The following DCTN2 variants were observed in gnomAD, a reference collection of about 807,000 sequenced individuals.
The protein encoded by DCTN2 is 50 kDa dynein-associated polypeptide.
In DCTN2, 18 loss-of-function variants were observed where a neutral mutation model predicts 55.4. That is an observed-to-expected ratio of 0.32 (90% CI 0.22 to 0.48). DCTN2 has a LOEUF of 0.48. DCTN2 is among the 20% of genes least tolerant of loss of function. The pLI is 0.99. For synonymous variants in DCTN2, 168 were observed against 185.2 expected (o/e 0.91, Z 0.76); for missense variants, 390 against 491.0 (o/e 0.79, Z 1.94).
chr12:57,531,205 T>C (rs1051271866), intron 13 of DCTN2, among the ~76,000 whole-genome samples: 1 of 152,212 alleles, frequency 6.6e-6, no homozygotes, highest in African/African-American at 2.4e-5. Flanking sequence ...CTTCCAGCAC[T>C]GAGAACAGTG....
At chr12:57,535,007 T>C in intron 5 of DCTN2, 49 bp downstream of exon 5, 1 of 1,478,140 alleles carries the variant, frequency 6.8e-7, no homozygotes, top group Non-Finnish European at 9.4e-7. Context: ...GAGGTCTTCC[T>C]CTACTGTGTA....
intron 2 of DCTN2, among the ~76,000 whole-genome samples, chr12:57,538,790 A>G (rs923256995): frequency 5.9e-5 from 9 of 152,218 alleles, no homozygotes; most frequent in South Asian, 2.1e-4. Context: ...TGAGGATGTC[A>G]TGAAGCTTTG....
intron 2 of DCTN2, among the ~76,000 whole-genome samples, chr12:57,542,212 G>T (rs1328592284): frequency 6.6e-6 from 1 of 151,714 alleles, no homozygotes; most frequent in African/African-American, 2.4e-5. Flanking sequence ...GGAGGTGGAG[G>T]TTACAGTGAG....
At position 57,534,099 on chromosome 12, in the gene DCTN2, T is replaced by C; in HGVS notation, c.525-2A>G. On this transcript the variant is annotated splice_acceptor_variant, in intron 6 of 13. Coordinates refer to ENST00000548249, the MANE Select transcript of DCTN2 (RefSeq NM_001261413.2). LOFTEE classifies it high-confidence loss of function. ...GCTTCCAGCTGCAGTAGTAGGCGCCTAGTTAGGAGACCGAGTAATAATATC... is the reference window on the plus strand; with the variant it reads ...GCTTCCAGCTGCAGTAGTAGGCGCCCAGTTAGGAGACCGAGTAATAATATC... 6.3e-7 allele frequency: 1 copy of C among 1,589,648 alleles called. No homozygotes were observed. The highest frequency in any genetic ancestry group is 1.4e-5 in the African/African-American group (1 of 73,868).
At chr12:57,532,915 T>G in intron 9 of DCTN2, 69 bp downstream of exon 9, 1 of 1,592,334 alleles carries the variant, frequency 6.3e-7, no homozygotes, top group Non-Finnish European at 8.6e-7. Flanking sequence ...TCAAAAATAA[T>G]CCTCAAAGCA....
intron 7 of DCTN2, among the ~76,000 whole-genome samples, chr12:57,533,531 G>A (rs1383157602): frequency 3.3e-5 from 5 of 152,152 alleles, no homozygotes; most frequent in African/African-American, 4.8e-5. Context: ...CAGTGCTTTG[G>A]GAGGCCGAGG....
Position 57,534,309 on chromosome 12 carries a change from G to C in DCTN2, c.507C>G (p.Pro169=). ...GTACCCACTTAGCCAGGGCGCCATC[G>C]GGGTCGGTAAGGTTGATTGCAGCAT... ...GPDAAINLTD[P]DGALAKRLLL... is the part of the protein sequence containing the mutation. Residue 169 remains proline (P), a synonymous_variant, in exon 6 of 14, where the codon CCC becomes CCG. Coordinates refer to ENST00000548249, the MANE Select transcript of DCTN2 (RefSeq NM_001261413.2). 6.3e-7 allele frequency: 1 copy of C among 1,593,886 alleles called. No homozygotes were observed. Among genetic ancestry groups the C allele is most frequent in the Non-Finnish European group, 8.6e-7 (1 of 1,165,878 alleles).
chr12:57,540,613 A>T (rs1388479275), intron 2 of DCTN2, among the ~76,000 whole-genome samples: 1 of 152,220 alleles, frequency 6.6e-6, no homozygotes, highest in African/African-American at 2.4e-5. Flanking sequence ...TCAGACAGGG[A>T]AAGTGGCCAC....
intron 2 of DCTN2, among the ~76,000 whole-genome samples, chr12:57,545,151 G>A (rs539213123): frequency 1.1e-4 from 16 of 152,232 alleles, no homozygotes; most frequent in African/African-American, 3.9e-4. Context: ...AATGACTCTT[G>A]GACACATCTT....
chr12:57,534,950 G>A, intron 5 of DCTN2, 106 bp downstream of exon 5: 9 of 965,754 alleles, frequency 9.3e-6, no homozygotes, highest in Admixed American at 2.3e-5. Flanking sequence ...GATTATAGGC[G>A]TGAGCCACCG....
In DCTN2 at chr12:57,533,504, G is replaced by A. The variant is rs893126833; in HGVS notation, c.670-201C>T. 4.6e-5 allele frequency among the ~76,000 whole-genome samples: 7 copies of A among 152,208 alleles called. No homozygotes were observed. In the South Asian group the frequency reaches 1.4e-3, roughly 31 times the overall value. On this transcript the variant is annotated intron_variant, in intron 7 of 13. Coordinates refer to ENST00000548249, the MANE Select transcript of DCTN2 (RefSeq NM_001261413.2). ...ATAGAGAATGAGGTCGGGCGCGGTG[G>A]CTCACGCCTGTAATCCCAGTGCTTT...
chr12:57,533,877 C>A, intron 7 of DCTN2, 76 bp downstream of exon 7: 1 of 1,482,740 alleles, frequency 6.7e-7, no homozygotes, highest in East Asian at 2.4e-5. Context: ...AGCACCCTCT[C>A]CTTGGAGAGA....
In DCTN2 at chr12:57,535,140, C is replaced by A. The variant is rs750568398; in HGVS notation, c.279G>T (p.Leu93=). The part of the protein sequence containing the change: ...SGEYEMLGEG[L]GVKETPQQKY... ...TTTGCTGGGGTGTCTCCTTCACTCC[C>A]AGACCCTCTCCAAGCTAGAGAGCAG... The change falls in exon 5 of 14, where the codon CTG becomes CTT. Residue 93 remains leucine, a synonymous_variant. Transcript: ENST00000548249. 1 of 1,613,630 alleles carries A rather than the reference C, an allele frequency of 6.2e-7. No individual in the cohort carries two copies. Among genetic ancestry groups the A allele is most frequent in the South Asian group, 1.1e-5 (1 of 91,056 alleles).
Position 57,547,185 on chromosome 12 carries a change from C to CAGG in DCTN2, c.-125_-123dup, listed in dbSNP as rs1464256965. Reference sequence around the variant, plus strand: ...GGCGGCAAAGGGAGCGGCAGATGAGCAGGAAGTCTCGCGACAGCAGTAGCA... The same window carrying CAGG: ...GGCGGCAAAGGGAGCGGCAGATGAGCAGGAGGAAGTCTCGCGACAGCAGTAGCA... On this transcript the variant is annotated 5_prime_UTR_variant, in exon 1 of 14. Transcript: ENST00000548249. 5 of 778,108 alleles carry CAGG rather than the reference C, an allele frequency of 6.4e-6. No individual in the cohort carries two copies. The East Asian group carries it at 1.7e-4, about 26-fold the overall frequency. 48.2% of individuals were successfully genotyped at this position (778,108 alleles called of 1,614,324 possible). A position where few individuals can be genotyped will look rare whatever the true frequency, so the allele number is the denominator to read the frequency against.
At chr12:57,535,930 G>A in intron 2 of DCTN2, 85 bp from the exon 3 acceptor site, 2 of 1,061,702 alleles carry the variant, frequency 1.9e-6, no homozygotes, top group Admixed American at 2.0e-5. Context: ...CAAACCATTA[G>A]GTGACTGGGC....
At chr12:57,543,813 C>G (rs539521878) in intron 2 of DCTN2, 4 of 1,289,626 alleles carry the variant, frequency 3.1e-6, no homozygotes, top group African/African-American at 3.0e-5. Context: ...ATACTGGCAT[C>G]CTGGGCAACA....
rs189012274 is a variant in DCTN2 at position 57,539,280 on chromosome 12, C to A, written c.106-3435G>T. On this transcript the variant is annotated intron_variant, in intron 2 of 13. Coordinates refer to ENST00000548249, the MANE Select transcript of DCTN2 (RefSeq NM_001261413.2). ...GCATGTTTGCCTCCACCTTGAGTGG[C>A]TGGTAACTCACCCTGCAGCTCCGAA... Among the ~76,000 whole-genome samples, 3 of 152,364 alleles carry A rather than the reference C, an allele frequency of 2.0e-5. No homozygotes were observed. The East Asian group carries it at 5.8e-4, about 29-fold the overall frequency.
At chr12:57,531,795 ACT>A (rs1879739270) in intron 13 of DCTN2, among the ~76,000 whole-genome samples, 1 of 152,096 alleles carries the variant, frequency 6.6e-6, no homozygotes, top group Non-Finnish European at 1.5e-5. Flanking sequence ...CATCTACATA[ACT>A]CTGAGGGAGG....
In DCTN2 at chr12:57,530,576, G is replaced by A; in HGVS notation, c.*113C>T. 1.1e-6 allele frequency: 1 copy of A among 912,020 alleles called. No homozygotes were observed. Among genetic ancestry groups the A allele is most frequent in the Non-Finnish European group, 1.7e-6 (1 of 584,086 alleles). The allele number at this position is 912,020 out of a possible 1,614,324, so 56.5% of individuals were successfully genotyped here. A position where few individuals can be genotyped will look rare whatever the true frequency, so the allele number is the denominator to read the frequency against. Reference sequence around the variant, plus strand: ...CATGCAAGAAGAACCCTTGCCCCCAGTGTCAAATGGGATGGGGATGCTAGA... The same window carrying A: ...CATGCAAGAAGAACCCTTGCCCCCAATGTCAAATGGGATGGGGATGCTAGA... On this transcript the variant is annotated 3_prime_UTR_variant, in exon 14 of 14. Transcript: ENST00000548249.
Sources: allele counts gnomAD v4.1 joint callset (sites outside exome capture counted in the v4.1 genomes callset), GRCh38; gene constraint gnomAD v4.1.1; transcripts MANE v1.5; gene names NCBI Gene and HGNC (gene_info 2026-07-23, HGNC 2026-07-21).